TP73: variants seen among roughly 807,000 people sequenced by gnomAD.
TP73 encodes the protein tumor protein p73, also known as p53-like transcription factor.
A neutral mutation model predicts 62.5 loss-of-function variants in TP73; 25 were observed. The observed-to-expected ratio is 0.40, with a 90% CI of 0.29 to 0.56. TP73 has a LOEUF of 0.56. TP73 is among the 20% of genes least tolerant of loss of function. The pLI, the probability that TP73 is intolerant of heterozygous loss-of-function variation, is 0.46. For missense variants in TP73, 754 were observed against 913.3 expected (o/e 0.83, Z 2.25); for synonymous variants, 423 against 377.5 (o/e 1.12, Z -1.40).
intron 1 of TP73, among the ~76,000 whole-genome samples, chr1:3,669,501 C>A (rs1445744794): frequency 2.6e-5 from 4 of 152,242 alleles, no homozygotes; most frequent in African/African-American, 9.6e-5. Context: ...CCACTTCCTG[C>A]CAAGGAGGCG....
At chr1:3,690,780 C>T (rs1645796084) in intron 3 of TP73, 3 of 1,498,512 alleles carry the variant, frequency 2.0e-6, no homozygotes, top group Non-Finnish European at 2.7e-6. Context: ...GCTGCGGAGC[C>T]TCTCCCGCTC....
chr1:3,684,693 G>A (rs1283580420), intron 3 of TP73, among the ~76,000 whole-genome samples: 1 of 152,138 alleles, frequency 6.6e-6, no homozygotes, highest in Non-Finnish European at 1.5e-5. Flanking sequence ...CACAGTCCCG[G>A]GGGGTCAATT....
rs1234683788 is a variant in TP73 at position 3,732,757 on chromosome 1, C to T, written c.1589C>T (p.Ala530Val). ...GCCGGCCTCTCGCAGGACCTGGGGG[C>T]CCTGAAGATCCCCGAGCAGTACCGC... is the stretch of plus-strand genomic sequence containing the variant. ...LQNLTIEDLG[A>V]LKIPEQYRMT... The change falls in exon 14 of 14, where the codon GCC becomes GTC. Residue 530 changes from alanine (A) to valine (V), a missense_variant. Coordinates refer to ENST00000378295, the MANE Select transcript of TP73 (RefSeq NM_005427.4). 1.9e-6 allele frequency: 3 copies of T among 1,573,114 alleles called. No individual in the cohort carries two copies. Among genetic ancestry groups the T allele is most frequent in the African/African-American group, 2.7e-5 (2 of 74,114 alleles).
intron 1 of TP73, among the ~76,000 whole-genome samples, chr1:3,661,281 C>G (rs186349949): frequency 1.1e-4 from 17 of 152,232 alleles, no homozygotes; most frequent in African/African-American, 4.1e-4. Flanking sequence ...GGAAAGTTGT[C>G]AAAATGTCAA....
intron 1 of TP73, among the ~76,000 whole-genome samples, chr1:3,678,225 C>G (rs1570415671): frequency 1.3e-5 from 2 of 152,218 alleles, no homozygotes; most frequent in South Asian, 4.1e-4. Flanking sequence ...AATTAAAAGG[C>G]AAATGGTTGG....
intron 3 of TP73, among the ~76,000 whole-genome samples, chr1:3,705,722 G>A (rs1245305103): frequency 6.6e-6 from 1 of 152,240 alleles, no homozygotes; most frequent in Non-Finnish European, 1.5e-5. Context: ...ATCCCGGGCT[G>A]AGCTGCCTCC....
chr1:3,664,160 T>C (rs1645060638), intron 1 of TP73, among the ~76,000 whole-genome samples: 1 of 152,214 alleles, frequency 6.6e-6, no homozygotes, highest in African/African-American at 2.4e-5. Flanking sequence ...CACGGGCCCC[T>C]GGGCATCGCG....
intron 3 of TP73, among the ~76,000 whole-genome samples, chr1:3,704,160 G>T (rs538029738): frequency 1.3e-5 from 2 of 152,250 alleles, no homozygotes; most frequent in African/African-American, 4.8e-5. Context: ...TGAGGGTGTC[G>T]GCTCCGAGCC....
chr1:3,690,595 C>G, intron 3 of TP73: 3 of 1,255,998 alleles, frequency 2.4e-6, no homozygotes, highest in South Asian at 3.6e-5. Flanking sequence ...AACACATCAC[C>G]GGGCAAGCTG....
intron 1 of TP73, among the ~76,000 whole-genome samples, chr1:3,667,155 G>A (rs1156418318): frequency 6.6e-6 from 1 of 152,186 alleles, no homozygotes; most frequent in Non-Finnish European, 1.5e-5. Context: ...CGGGGAGGTA[G>A]GGATTGTCCC....
intron 3 of TP73, among the ~76,000 whole-genome samples, chr1:3,704,759 G>A (rs115244497): frequency 0.012 from 1,839 of 152,296 alleles, 47 homozygotes; most frequent in African/African-American, 0.041. Flanking sequence ...ACTCTGGGGC[G>A]GGGCCTGGGC....
At chr1:3,655,563 T>C (rs2101992645) in intron 1 of TP73, among the ~76,000 whole-genome samples, 2 of 152,378 alleles carry the variant, frequency 1.3e-5, no homozygotes, top group Middle Eastern at 6.8e-3. Context: ...GATGAGTTAC[T>C]AAATGACAAT....
At chr1:3,732,689 C>A (rs750474168) in intron 13 of TP73, 58 bp from the exon 14 acceptor site, 35 of 1,437,652 alleles carry the variant, frequency 2.4e-5, no homozygotes, top group Non-Finnish European at 3.1e-5. Context: ...CCCAGGGCGA[C>A]CCCCCCTGCT....
chr1:3,699,357 C>T lies in TP73; in HGVS notation c.187-8192C>T, dbSNP rs901467843. Among the ~76,000 whole-genome samples the T allele has an allele frequency of 3.3e-5, 5 of 152,156 alleles. No homozygotes were observed. The highest frequency in any genetic ancestry group is 2.1e-4 in the South Asian group (1 of 4,816). Reference sequence around the variant, plus strand: ...ACGAGAGATCAGGGAGTTTGAGGAGCGGCATACTCTCAAAAAACCACAACA... The same window carrying T: ...ACGAGAGATCAGGGAGTTTGAGGAGTGGCATACTCTCAAAAAACCACAACA... On this transcript the variant is annotated intron_variant, in intron 3 of 13. Coordinates refer to ENST00000378295, the MANE Select transcript of TP73 (RefSeq NM_005427.4). This position sits in a 1 kb window ranked among gnomAD's most constrained non-coding sequence, Gnocchi z 4.1.
intron 4 of TP73, among the ~76,000 whole-genome samples, chr1:3,720,854 G>A (rs1374563013): frequency 2.6e-5 from 4 of 152,270 alleles, no homozygotes; most frequent in Non-Finnish European, 5.9e-5. Context: ...GGTTCTGCCA[G>A]TAGCTCCCTG....
chr1:3,698,393 C>T (rs917132160), intron 3 of TP73, among the ~76,000 whole-genome samples: 3 of 152,226 alleles, frequency 2.0e-5, no homozygotes, highest in African/African-American at 7.2e-5. Context: ...CCACCTGCCT[C>T]TCATAGGCAG....
chr1:3,655,465 G>A (rs1374972857), intron 1 of TP73, among the ~76,000 whole-genome samples: 1 of 152,208 alleles, frequency 6.6e-6, no homozygotes, highest in African/African-American at 2.4e-5. Flanking sequence ...TTGTTTTCCA[G>A]TGTGGGGAGG....
At chr1:3,688,571 C>T (rs1645725962) in intron 3 of TP73, among the ~76,000 whole-genome samples, 1 of 152,154 alleles carries the variant, frequency 6.6e-6, no homozygotes, top group Non-Finnish European at 1.5e-5. Context: ...ATGGAGGACC[C>T]AGCAGGGAGG....
chr1:3,728,165 G>A lies in TP73; in HGVS notation c.1022G>A (p.Gly341Asp), dbSNP rs1486086468. The A allele has an allele frequency of 1.2e-6, 2 of 1,611,846 alleles. No homozygotes were observed. The highest frequency in any genetic ancestry group is 1.7e-5 in the Admixed American group (1 of 60,000). The change falls in exon 9 of 14, where the codon GGT (glycine) becomes GAT (aspartate). Residue 341 changes from glycine to aspartate, a missense_variant. This residue lies in a region of TP73 where 458 missense variants were observed against 528.7 expected (regional missense o/e 0.87). Transcript: ENST00000378295. The part of the protein sequence containing the change: ...KQSPPAVPAL[G>D]AGVKKRRHGD... ...AGCCCCCCTGCCGTCCCCGCCCTTG[G>A]TGCCGGTGTGAAGAAGCGGCGGCAT...
Sources: allele counts gnomAD v4.1 joint callset (sites outside exome capture counted in the v4.1 genomes callset), GRCh38; gene constraint gnomAD v4.1.1; regional missense constraint gnomAD v4.1.1; non-coding constraint Gnocchi (gnomAD v3.1); transcripts MANE v1.5; gene names NCBI Gene and HGNC (gene_info 2026-07-23, HGNC 2026-07-21).